The following MUSK variants were observed in gnomAD, a reference collection of about 807,000 sequenced individuals.
MUSK encodes muscle, skeletal receptor tyrosine-protein kinase.
A neutral mutation model predicts 88.7 loss-of-function variants in MUSK; 55 were observed. The observed-to-expected ratio is 0.62, with a 90% CI of 0.50 to 0.78. MUSK has a LOEUF of 0.78. MUSK is among the 30% of genes least tolerant of loss of function. The probability of loss-of-function intolerance (pLI) is 0.00; values close to 1 mark genes in which losing one functional copy is unlikely to be tolerated. For missense variants in MUSK, 1,015 were observed against 1,074.3 expected, an observed-to-expected ratio of 0.94 and a Z score of 0.77; for synonymous variants, 387 against 391.9, an observed-to-expected ratio of 0.99 and a Z score of 0.15.
chr9:110,715,903 T>C (rs2076736767), intron 5 of MUSK, among the ~76,000 whole-genome samples: 1 of 149,202 alleles, frequency 6.7e-6, no homozygotes, highest in East Asian at 1.9e-4. Context: ...TTGTCACTTA[T>C]AAGTGGGAGC....
chr9:110,780,178 T>C (rs1015633159), intron 11 of MUSK, among the ~76,000 whole-genome samples: 2 of 152,250 alleles, frequency 1.3e-5, no homozygotes, highest in African/African-American at 4.8e-5. Context: ...CTATTCGCTT[T>C]ACGTTTTTGC....
chr9:110,719,575 C>G (rs1426977264), intron 5 of MUSK, among the ~76,000 whole-genome samples: 1 of 151,912 alleles, frequency 6.6e-6, no homozygotes, highest in Non-Finnish European at 1.5e-5. Flanking sequence ...AACACTGGAG[C>G]TCCCAAATTT....
intron 2 of MUSK, among the ~76,000 whole-genome samples, chr9:110,686,015 A>G (rs1011413727): frequency 1.3e-5 from 2 of 152,178 alleles, no homozygotes; most frequent in Non-Finnish European, 2.9e-5. Context: ...TTAGTGGCCT[A>G]AAACAACATA....
rs2077020728 is a variant in MUSK at position 110,735,559 on chromosome 9, G to A, written c.753+1184G>A. ...TGGATATCAGAGGCTGGGAAAGGTA[G>A]TGGGGAAGGGAGGATAAAGAGGGGT... On this transcript the variant is annotated intron_variant, in intron 6 of 14. Coordinates refer to ENST00000374448, the MANE Select transcript of MUSK (RefSeq NM_005592.4). Among the ~76,000 whole-genome samples the A allele has an allele frequency of 2.6e-5, 4 of 152,216 alleles. No individual in the cohort carries two copies. In the South Asian group the frequency reaches 8.3e-4, roughly 32 times the overall value.
Position 110,668,867 on chromosome 9 carries a change from C to A in MUSK, c.-38C>A. On this transcript the variant is annotated 5_prime_UTR_variant, in exon 1 of 15. Coordinates refer to ENST00000374448, the MANE Select transcript of MUSK (RefSeq NM_005592.4). Reference sequence around the variant, plus strand: ...TGTGGAGCCATTTTCCTTGCGTTGTCCAGAAGGAACTTCGTCCTGCGTGAG... The same window carrying A: ...TGTGGAGCCATTTTCCTTGCGTTGTACAGAAGGAACTTCGTCCTGCGTGAG... 1 of 1,544,046 alleles carries A rather than the reference C, an allele frequency of 6.5e-7. No homozygotes were observed. Among genetic ancestry groups the A allele is most frequent in the South Asian group, 1.1e-5 (1 of 89,434 alleles).
At chr9:110,687,817 A>G (rs989166294) in intron 3 of MUSK, among the ~76,000 whole-genome samples, 2 of 151,940 alleles carry the variant, frequency 1.3e-5, no homozygotes, top group Admixed American at 6.6e-5. Flanking sequence ...CCATTTTCTT[A>G]CCTTCACTCA....
intron 5 of MUSK, among the ~76,000 whole-genome samples, chr9:110,723,782 G>A (rs1215404294): frequency 6.6e-6 from 1 of 151,938 alleles, no homozygotes; most frequent in African/African-American, 2.4e-5. Flanking sequence ...AATGAATTTC[G>A]AGTTTTAAAA....
chr9:110,752,288 G>A (rs1940248), intron 7 of MUSK, among the ~76,000 whole-genome samples: 18,284 of 152,202 alleles, frequency 0.12, 1,387 homozygotes, highest in East Asian at 0.31. Flanking sequence ...GGGGTGCTCC[G>A]TGGACTGATA....
chr9:110,774,866 TAC>T (rs368896303), intron 9 of MUSK, among the ~76,000 whole-genome samples: 22,329 of 138,958 alleles, frequency 0.16, 1,831 homozygotes, highest in East Asian at 0.34. Flanking sequence ...GGCATATATA[TAC>T]ACACACACAC....
intron 5 of MUSK, chr9:110,706,172 A>G: frequency 8.3e-6 from 4 of 483,914 alleles, no homozygotes; most frequent in South Asian, 6.4e-5. Context: ...TACAATGATA[A>G]AACAAAAATA....
chr9:110,688,877 A>G (rs927412741), intron 3 of MUSK, among the ~76,000 whole-genome samples: 11 of 149,944 alleles, frequency 7.3e-5, no homozygotes, highest in Non-Finnish European at 1.3e-4. Context: ...ATGGGCATTT[A>G]GGTTGTTTGT....
intron 5 of MUSK, among the ~76,000 whole-genome samples, chr9:110,713,031 C>G (rs752333330): frequency 3.3e-5 from 5 of 151,790 alleles, no homozygotes; most frequent in African/African-American, 4.8e-5. Context: ...GTGAGGAGCT[C>G]TTGGTGAGGA....
intron 1 of MUSK, among the ~76,000 whole-genome samples, chr9:110,676,219 A>G (rs1158965529): frequency 6.6e-6 from 1 of 151,622 alleles, no homozygotes; most frequent in East Asian, 1.9e-4. Context: ...AATTACACAT[A>G]ATGCTCATAG....
intron 11 of MUSK, among the ~76,000 whole-genome samples, chr9:110,784,407 T>C (rs2077817453): frequency 6.6e-6 from 1 of 152,170 alleles, no homozygotes; most frequent in Non-Finnish European, 1.5e-5. Flanking sequence ...CTTTCATGAT[T>C]TTTCTTCTGT....
chr9:110,734,533 A>G (rs73540123), intron 6 of MUSK, among the ~76,000 whole-genome samples, 158 bp downstream of exon 6: 24 of 152,266 alleles, frequency 1.6e-4, no homozygotes, highest in African/African-American at 5.5e-4. Context: ...AGCCATTGCC[A>G]TAGAAATCAA....
intron 1 of MUSK, among the ~76,000 whole-genome samples, chr9:110,681,034 TATTATATAATATATATTATATATTA>T (rs1363113924): frequency 2.3e-5 from 1 of 43,942 alleles, no homozygotes; most frequent in Admixed American, 3.1e-4. Context: ...ATATATTATA[TATTATATAATATATATTATATATTA>T]TATATATAAT....
intron 8 of MUSK, among the ~76,000 whole-genome samples, chr9:110,764,644 T>A (rs889289427): frequency 3.3e-5 from 5 of 151,620 alleles, no homozygotes; most frequent in African/African-American, 1.2e-4. Flanking sequence ...GATAGGTAGG[T>A]AGATCATCGG....
chr9:110,688,257 T>G (rs966399417), intron 3 of MUSK, among the ~76,000 whole-genome samples: 1 of 152,070 alleles, frequency 6.6e-6, no homozygotes, highest in Admixed American at 6.6e-5. Context: ...TCTCTACTCC[T>G]GCAATTACCC....
intron 1 of MUSK, among the ~76,000 whole-genome samples, chr9:110,675,390 T>G (rs2076013150): frequency 6.8e-6 from 1 of 146,128 alleles, no homozygotes; most frequent in African/African-American, 2.5e-5. Context: ...CCCGGCTAAT[T>G]TTTTGTATTT....
Sources: allele counts gnomAD v4.1 joint callset (sites outside exome capture counted in the v4.1 genomes callset), GRCh38; gene constraint gnomAD v4.1.1; transcripts MANE v1.5; gene names NCBI Gene and HGNC (gene_info 2026-07-23, HGNC 2026-07-21).